Variants in SBK1 observed in about 807,000 individuals in gnomAD.
The protein encoded by SBK1 is SH3 domain binding kinase 1.
In SBK1, 11 loss-of-function variants were observed where a neutral mutation model predicts 24.4. The ratio of observed to expected loss-of-function variants is 0.45; its 90% CI spans 0.28 to 0.75. The LOEUF (loss-of-function observed/expected upper bound fraction) is 0.75, where lower values mean the gene tolerates loss of function less well. SBK1 is among the 30% of genes least tolerant of loss of function. SBK1 has a pLI of 0.12. For missense variants in SBK1, 467 were observed against 620.5 expected (o/e 0.75, Z 2.63); for synonymous variants, 308 against 284.4 (o/e 1.08, Z -0.83).
At chr16:28,273,658 T>G (rs1485193506) in intron 1 of SBK1, among the ~76,000 whole-genome samples, 1 of 152,206 alleles carries the variant, frequency 6.6e-6, no homozygotes, top group African/African-American at 2.4e-5. Context: ...GGTCTTAAAC[T>G]CCTGAGCTCA....
At chr16:28,309,442 A>G (rs1420506967) in intron 1 of SBK1, among the ~76,000 whole-genome samples, 1 of 152,214 alleles carries the variant, frequency 6.6e-6, no homozygotes, top group Non-Finnish European at 1.5e-5. Context: ...TGGGCGGATC[A>G]TCCACCTCTT....
chr16:28,316,034 G>A (rs1156425238), intron 1 of SBK1, among the ~76,000 whole-genome samples: 1 of 152,140 alleles, frequency 6.6e-6, no homozygotes, highest in African/African-American at 2.4e-5. Flanking sequence ...CAAAGTGCTG[G>A]GATTACAGTT....
chr16:28,272,712 C>T (rs964379340), intron 1 of SBK1, among the ~76,000 whole-genome samples: 5 of 148,240 alleles, frequency 3.4e-5, no homozygotes, highest in African/African-American at 7.4e-5. Flanking sequence ...ACCTCTGCCT[C>T]CCAGGTTCAA....
At chr16:28,305,593 G>A (rs2044711214) in intron 1 of SBK1, among the ~76,000 whole-genome samples, 1 of 149,970 alleles carries the variant, frequency 6.7e-6, no homozygotes, top group South Asian at 2.1e-4. Context: ...GTGCAGTGGT[G>A]CAATCTTGGC....
At chr16:28,294,819 A>G (rs1218710942) in intron 1 of SBK1, among the ~76,000 whole-genome samples, 2 of 152,250 alleles carry the variant, frequency 1.3e-5, no homozygotes, top group Admixed American at 6.5e-5. Context: ...TGATGCGGGC[A>G]GACCTCTGGC....
chr16:28,278,301 G>A (rs1228306622), intron 1 of SBK1, among the ~76,000 whole-genome samples: 1 of 152,184 alleles, frequency 6.6e-6, no homozygotes, highest in Non-Finnish European at 1.5e-5. Context: ...GACAGGGAAA[G>A]AGAGGAGGCA....
In SBK1 at chr16:28,317,563, G is replaced by A; in HGVS notation, c.172G>A (p.Glu58Lys). ...CACCAAGCACTACGAACTAGTCCGG[G>A]AGCTGGGCAAAGGCACCTATGGGAA... is the stretch of plus-strand genomic sequence containing the variant. ...DVTKHYELVRELGKGTYGKVD... is the reference protein window; with the variant it reads ...DVTKHYELVRKLGKGTYGKVD... The change falls in exon 2 of 4, where the codon GAG (glutamate) becomes AAG (lysine). Residue 58 changes from glutamate (E) to lysine (K), a missense_variant. This residue lies in a region of SBK1 where 123 missense variants were observed against 158.2 expected (regional missense o/e 0.78). Transcript: ENST00000341901. This position sits in a 1 kb window ranked among gnomAD's most constrained non-coding sequence, Gnocchi z 4.2. The A allele has an allele frequency of 6.2e-7, 1 of 1,614,210 alleles. No individual in the cohort carries two copies. The highest frequency in any genetic ancestry group is 8.5e-7 in the Non-Finnish European group (1 of 1,180,038).
intron 1 of SBK1, among the ~76,000 whole-genome samples, chr16:28,266,585 A>T (rs1030736117): frequency 1.3e-5 from 2 of 152,054 alleles, no homozygotes; most frequent in African/African-American, 4.8e-5. Flanking sequence ...TCTTCCTGGA[A>T]GGGCTTTCTG....
intron 1 of SBK1, among the ~76,000 whole-genome samples, chr16:28,275,080 C>G (rs978158484): frequency 6.6e-6 from 1 of 152,148 alleles, no homozygotes; most frequent in African/African-American, 2.4e-5. Context: ...AACCCCAGCA[C>G]TTTGGGAGGC....
rs772027804 is a variant in SBK1, at chr16:28,319,102, A to C, written c.334A>C (p.Lys112Gln). The change falls in exon 3 of 4, where the codon AAG becomes CAG. Residue 112 changes from lysine (K) to glutamine (Q), a missense_variant. By Grantham distance (53) the Lys-to-Gln change is moderately conservative (BLOSUM62 1). Coordinates refer to ENST00000341901, the MANE Select transcript of SBK1 (RefSeq NM_001024401.3). The surrounding 1 kb of genome is among the most constrained non-coding windows in gnomAD (Gnocchi z 4.0). Reference protein sequence around the residue: ...NSLSSSPFIIKVFDVVFETED... With the variant: ...NSLSSSPFIIQVFDVVFETED... ...CCTCTCCTCCAGCCCCTTCATCATC[A>C]AGGTCTTTGACGTGGTCTTTGAGAC... 6.8e-6 allele frequency: 11 copies of C among 1,613,896 alleles called. No homozygotes were observed. Among genetic ancestry groups the C allele is most frequent in the Non-Finnish European group, 9.3e-6 (11 of 1,179,998 alleles).
chr16:28,267,936 C>G (rs184962789), intron 1 of SBK1, among the ~76,000 whole-genome samples: 2 of 152,160 alleles, frequency 1.3e-5, no homozygotes, highest in African/African-American at 2.4e-5. Context: ...TTGCTTGAGG[C>G]CAGGAGTTCA....
At chr16:28,270,900 G>A (rs902710350) in intron 1 of SBK1, among the ~76,000 whole-genome samples, 5 of 151,810 alleles carry the variant, frequency 3.3e-5, no homozygotes, top group Non-Finnish European at 7.4e-5. Flanking sequence ...GTCTTGCTCT[G>A]TTGCCCAGGC....
chr16:28,284,660 C>T (rs2044554392), intron 1 of SBK1, among the ~76,000 whole-genome samples: 1 of 152,230 alleles, frequency 6.6e-6, no homozygotes, highest in Non-Finnish European at 1.5e-5. Flanking sequence ...AATAATCAGG[C>T]CGGGCGCAGT....
upstream of SBK1, among the ~76,000 whole-genome samples, chr16:28,289,747 A>G (rs541622982): frequency 7.3e-5 from 11 of 151,534 alleles, 1 homozygote; most frequent in South Asian, 2.1e-3. Context: ...AGCCTGGGCA[A>G]TAAGAGTGAA....
Position 28,319,266 on chromosome 16 carries a change from A to G in SBK1, c.429+69A>G. 8.4e-7 allele frequency: 1 copy of G among 1,197,296 alleles called. No individual in the cohort carries two copies. The highest frequency in any genetic ancestry group is 1.2e-5 in the South Asian group (1 of 81,162). 74.2% of individuals were successfully genotyped at this position (1,197,296 alleles called of 1,614,324 possible). On this transcript the variant is annotated intron_variant, in intron 3 of 3. Coordinates refer to ENST00000341901, the MANE Select transcript of SBK1 (RefSeq NM_001024401.3). This position sits in a 1 kb window ranked among gnomAD's most constrained non-coding sequence, Gnocchi z 4.0. The stretch of plus-strand genomic sequence containing the variant: ...TCCCAGAGTGTGAGAGTGGGAGTGG[A>G]GTCAGACCATTTAATTAACAAGTAT...
chr16:28,290,828 T>C (rs2141574177), upstream of SBK1: 1 of 152,368 alleles, frequency 6.6e-6, no homozygotes, highest in South Asian at 2.1e-4. Flanking sequence ...TGCCAACCTA[T>C]GGTCTGGGGG....
intron 1 of SBK1, among the ~76,000 whole-genome samples, chr16:28,269,237 G>A (rs1450373712): frequency 6.6e-6 from 1 of 151,608 alleles, no homozygotes; most frequent in African/African-American, 2.4e-5. Context: ...GTTTCACCAT[G>A]TTAGTCAGGC....
intron 1 of SBK1, among the ~76,000 whole-genome samples, chr16:28,287,293 A>AAAAAAAAAG (rs1279784774): frequency 6.8e-6 from 1 of 147,574 alleles, no homozygotes; most frequent in East Asian, 2.0e-4. Flanking sequence ...ATACAAAAAA[A>AAAAAAAAAG]AAAAAATTAG....
chr16:28,283,544 C>G (rs1025369656), intron 1 of SBK1, among the ~76,000 whole-genome samples: 1 of 152,174 alleles, frequency 6.6e-6, no homozygotes, highest in South Asian at 2.1e-4. Flanking sequence ...GCTCAGGGAA[C>G]AGACCAATCT....
Sources: gnomAD v4.1 joint callset for allele counts (sites outside exome capture counted in the v4.1 genomes callset) on GRCh38, gnomAD v4.1.1 for gene constraint, gnomAD v4.1.1 regional missense constraint, Gnocchi (gnomAD v3.1) non-coding constraint, MANE v1.5 for transcripts, NCBI Gene and HGNC (gene_info 2026-07-23, HGNC 2026-07-21) for gene names.